Variants in RRH observed in about 807,000 individuals in gnomAD.
RRH encodes the protein retinal pigment epithelium-derived rhodopsin homolog.
Under a neutral mutation model 33.1 loss-of-function variants are expected in RRH, and 36 were observed. The ratio of observed to expected loss-of-function variants is 1.09; its 90% confidence interval spans 0.83 to 1.44. The LOEUF is 1.44. RRH is among the 40% of genes most tolerant of loss of function. The probability of loss-of-function intolerance (pLI) is 0.00; values close to 1 mark genes in which losing one functional copy is unlikely to be tolerated. For synonymous variants in RRH, 124 were observed against 140.2 expected, an observed-to-expected ratio of 0.88 and a Z score of 0.82; for missense variants, 393 against 420.2, an observed-to-expected ratio of 0.94 and a Z score of 0.57.
chr4:109,838,863 A>G (rs1013952371), intron 5 of RRH, among the ~76,000 whole-genome samples: 2 of 152,162 alleles, frequency 1.3e-5, no homozygotes, highest in African/African-American at 2.4e-5. Flanking sequence ...GCACCTTGGT[A>G]TGAGTATTTA....
intron 2 of RRH, among the ~76,000 whole-genome samples, chr4:109,833,814 C>T (rs1467910511): frequency 6.7e-6 from 1 of 148,674 alleles, no homozygotes; most frequent in African/African-American, 2.5e-5. Context: ...TGCCTTAAGA[C>T]AGTAAGCAAA....
At chr4:109,832,879 A>G (rs932314199) in intron 1 of RRH, among the ~76,000 whole-genome samples, 3 of 152,166 alleles carry the variant, frequency 2.0e-5, no homozygotes, top group Admixed American at 6.5e-5. Flanking sequence ...CAGAACACTC[A>G]ATAGCAATGA....
At chr4:109,832,388 C>T (rs955501815) in intron 1 of RRH, among the ~76,000 whole-genome samples, 3 of 150,896 alleles carry the variant, frequency 2.0e-5, no homozygotes, top group African/African-American at 7.3e-5. Flanking sequence ...TTTCCAGAAA[C>T]TTGATTAAGG....
In RRH at chr4:109,835,855, T is replaced by C. The variant is rs530814507; in HGVS notation, c.398-152T>C. The C allele has an allele frequency of 4.8e-6, 4 of 828,664 alleles. No individual in the cohort carries two copies. The Admixed American group carries it at 7.1e-5, about 15-fold the overall frequency. The allele number at this position is 828,664 out of a possible 1,614,324, so 51.3% of individuals were successfully genotyped here. A position where few individuals can be genotyped will look rare whatever the true frequency, so the allele number is the denominator to read the frequency against. ...TAAAAGGGAGAATATTTGTGTTACT[T>C]TTATTAGGTGTTGCACTCATGTTTT... On this transcript the variant is annotated intron_variant, in intron 3 of 6. Transcript: ENST00000317735.
At chr4:109,843,661 T>C (rs756808009) in intron 6 of RRH, among the ~76,000 whole-genome samples, 24 of 152,234 alleles carry the variant, frequency 1.6e-4, no homozygotes, top group Admixed American at 1.2e-3. Context: ...GTAGTTCTTT[T>C]GGAAAATTCT....
At chr4:109,829,316 G>A (rs1733700771) in intron 1 of RRH, among the ~76,000 whole-genome samples, 1 of 150,682 alleles carries the variant, frequency 6.6e-6, no homozygotes, top group South Asian at 2.1e-4. Context: ...ACAAGTTCTA[G>A]TTTTTTTGTA....
At chr4:109,834,496 A>AT (rs58832355) in intron 2 of RRH, among the ~76,000 whole-genome samples, 134,428 of 139,972 alleles carry the variant, frequency 0.96, 64,676 homozygotes, top group Non-Finnish European at 0.99. Context: ...AGCCTGGCTA[A>AT]TTTTTTTTTT....
chr4:109,832,459 A>G (rs1480520287), intron 1 of RRH, among the ~76,000 whole-genome samples: 1 of 147,680 alleles, frequency 6.8e-6, no homozygotes, highest in Non-Finnish European at 1.5e-5. Context: ...CTCTCTGGAT[A>G]GTCAAGTCTT....
chr4:109,839,767 G>A (rs543017552), intron 5 of RRH, among the ~76,000 whole-genome samples: 17 of 152,220 alleles, frequency 1.1e-4, no homozygotes, highest in South Asian at 1.0e-3. Context: ...CAGCTCCATC[G>A]ATGTCCCTGC....
At chr4:109,843,488 C>T (rs370953091) in intron 6 of RRH, among the ~76,000 whole-genome samples, 1 of 152,222 alleles carries the variant, frequency 6.6e-6, no homozygotes, top group Non-Finnish European at 1.5e-5. Context: ...GGATTACAGG[C>T]GTGAGCCACC....
At position 109,844,832 on chromosome 4, in the gene RRH, C is replaced by T. The variant is rs1734051194; in HGVS notation, c.*635C>T. ...ATATATTTGCCAACAGAGTTAACTT[C>T]AATCAGAGTGGAGATTTTTATATGT... On this transcript the variant is annotated 3_prime_UTR_variant, in exon 7 of 7. Coordinates refer to ENST00000317735, the MANE Select transcript of RRH (RefSeq NM_006583.5). Among the ~76,000 whole-genome samples the T allele has an allele frequency of 6.6e-6, 1 of 152,162 alleles. No homozygotes were observed. The highest frequency in any genetic ancestry group is 1.5e-5 in the Non-Finnish European group (1 of 68,030).
chr4:109,834,997 A>ACCC (rs1179320076), intron 2 of RRH, among the ~76,000 whole-genome samples: 1 of 151,896 alleles, frequency 6.6e-6, no homozygotes, highest in Non-Finnish European at 1.5e-5. Context: ...TTGTGTGAAT[A>ACCC]CCCCGTTCAT....
chr4:109,836,627 C>A (rs1438654976), intron 4 of RRH, among the ~76,000 whole-genome samples: 2 of 152,150 alleles, frequency 1.3e-5, no homozygotes, highest in Non-Finnish European at 2.9e-5. Context: ...GATTTGCCTG[C>A]TAGTTAGTGA....
At position 109,833,099 on chromosome 4, in the gene RRH, A is replaced by G. The variant is rs371698426; in HGVS notation, c.107-40A>G. On this transcript the variant is annotated intron_variant, in intron 1 of 6. Transcript: ENST00000317735. ...TTTTGAGTCTACTTTGAAACATTCA[A>G]ATTAAACAAAATGCATCATATTTTT... 6.5e-6 allele frequency: 10 copies of G among 1,533,268 alleles called. No individual in the cohort carries two copies. The African/African-American group carries it at 8.2e-5, about 13-fold the overall frequency. The allele number at this position is 1,533,268 out of a possible 1,614,324, so 95.0% of individuals were successfully genotyped here. A position where few individuals can be genotyped will look rare whatever the true frequency, so the allele number is the denominator to read the frequency against.
At chr4:109,842,360 A>T (rs1195066438) in intron 5 of RRH, 109 bp from the exon 6 acceptor site, 7 of 1,054,960 alleles carry the variant, frequency 6.6e-6, no homozygotes, top group Non-Finnish European at 9.7e-6. Flanking sequence ...GTCATCAAAA[A>T]CATAAACATA....
rs1281506815 is a variant in RRH, at chr4:109,834,495, AATTTTTTTTTTTGT to A, written c.298-858_298-845del. Among the ~76,000 whole-genome samples the A allele has an allele frequency of 5.4e-4, 5 of 9,180 alleles. No homozygotes were observed. In the Non-Finnish European group the frequency reaches 5.5e-3, roughly 10 times the overall value. The allele number at this position is 9,180 out of a possible 152,430, so 6.0% of individuals were successfully genotyped here. ...CAGGTGCCTGCCACCAAGCCTGGCTAATTTTTTTTTTTGTATTTTTTTTTTTTTTAGTAATGACG... is the reference window on the plus strand; with the variant it reads ...CAGGTGCCTGCCACCAAGCCTGGCTAATTTTTTTTTTTTTTAGTAATGACG... On this transcript the variant is annotated intron_variant, in intron 2 of 6. Transcript: ENST00000317735.
chr4:109,834,258 G>A (rs527978801), intron 2 of RRH, among the ~76,000 whole-genome samples: 2 of 151,182 alleles, frequency 1.3e-5, no homozygotes, highest in East Asian at 1.9e-4. Flanking sequence ...TTTTGTGAAC[G>A]TAGAAAGCCC....
At chr4:109,841,157 C>T (rs1194396495) in intron 5 of RRH, among the ~76,000 whole-genome samples, 1 of 152,048 alleles carries the variant, frequency 6.6e-6, no homozygotes, top group Non-Finnish European at 1.5e-5. Flanking sequence ...TTTCATGTTG[C>T]TCCCTCCTGA....
chr4:109,834,366 G>A (rs1183943805), intron 2 of RRH, among the ~76,000 whole-genome samples: 49 of 134,740 alleles, frequency 3.6e-4, no homozygotes, highest in South Asian at 1.4e-3. Context: ...GTCACGCTCC[G>A]TTGCCCAGGC....
Sources: allele counts gnomAD v4.1 joint callset (sites outside exome capture counted in the v4.1 genomes callset), GRCh38; gene constraint gnomAD v4.1.1; transcripts MANE v1.5; gene names NCBI Gene and HGNC (gene_info 2026-07-23, HGNC 2026-07-21).